MLLT3: variants seen among roughly 807,000 people sequenced by gnomAD.
MLLT3 encodes protein AF-9.
MLLT3 carries 4 observed loss-of-function variants against 53.2 expected under a neutral mutation model. The observed-to-expected ratio is 0.08, with a 90% CI of 0.04 to 0.17. The LOEUF (loss-of-function observed/expected upper bound fraction) is 0.17, where lower values mean the gene tolerates loss of function less well. Ranked by LOEUF, MLLT3 falls within the 10% of genes least tolerant of loss-of-function variation. The probability of loss-of-function intolerance (pLI) is 1.00; values close to 1 mark genes in which losing one functional copy is unlikely to be tolerated. For missense variants in MLLT3, 569 were observed against 684.0 expected (o/e 0.83, Z 1.87); for synonymous variants, 283 against 230.6 (o/e 1.23, Z -2.06).
At chr9:20,466,322 CA>C (rs1824237220) in intron 2 of MLLT3, among the ~76,000 whole-genome samples, 1 of 152,152 alleles carries the variant, frequency 6.6e-6, no homozygotes, top group Non-Finnish European at 1.5e-5. Context: ...TTCCGATTTT[CA>C]AGTTAGGGAG....
rs1458413557 is a variant in MLLT3 at position 20,500,738 on chromosome 9, C to T, written c.194-43952G>A. Among the ~76,000 whole-genome samples, 44 of 152,168 alleles carry T rather than the reference C, an allele frequency of 2.9e-4. 1 individual carries two copies. Among genetic ancestry groups the T allele is most frequent in the Admixed American group, 2.9e-3 (44 of 15,278 alleles). On this transcript the variant is annotated intron_variant, in intron 2 of 10. Coordinates refer to ENST00000380338, the MANE Select transcript of MLLT3 (RefSeq NM_004529.4). ...ATCTTGTCTACTACAGTTGAGTATA[C>T]CCTATTGACTTTGGTCCTCCAGGTG...
chr9:20,436,053 A>C (rs1466237673), intron 4 of MLLT3, among the ~76,000 whole-genome samples: 2 of 152,152 alleles, frequency 1.3e-5, no homozygotes, highest in Admixed American at 6.5e-5. Context: ...AAAATCTTTT[A>C]ATATCTAAGC....
chr9:20,537,450 T>C (rs1244458927), intron 2 of MLLT3, among the ~76,000 whole-genome samples: 2 of 152,198 alleles, frequency 1.3e-5, no homozygotes, highest in Non-Finnish European at 2.9e-5. Flanking sequence ...TACAGATGAT[T>C]ATCTCACCTT....
At chr9:20,451,902 T>C (rs1051312814) in intron 3 of MLLT3, among the ~76,000 whole-genome samples, 1 of 152,160 alleles carries the variant, frequency 6.6e-6, no homozygotes, top group East Asian at 1.9e-4. Context: ...TTCTCACAAA[T>C]AGGGTTGTTT....
intron 5 of MLLT3, among the ~76,000 whole-genome samples, chr9:20,366,993 C>T (rs1450711218): frequency 6.6e-6 from 1 of 152,236 alleles, no homozygotes; most frequent in Non-Finnish European, 1.5e-5. Flanking sequence ...TGGCCCAAGG[C>T]CATGACCCAA....
chr9:20,552,203 T>G (rs998062191), intron 2 of MLLT3, among the ~76,000 whole-genome samples: 8 of 152,178 alleles, frequency 5.3e-5, no homozygotes, highest in Admixed American at 1.3e-4. Flanking sequence ...GAGTCTTGTT[T>G]GCAAAGAACT....
chr9:20,387,900 G>T (rs1586911002), intron 5 of MLLT3, among the ~76,000 whole-genome samples: 1 of 152,138 alleles, frequency 6.6e-6, no homozygotes, highest in African/African-American at 2.4e-5. Flanking sequence ...TAAATATCTG[G>T]AAGTTCCAGT....
intron 5 of MLLT3, among the ~76,000 whole-genome samples, chr9:20,399,511 G>A (rs754763653): frequency 3.3e-5 from 5 of 152,056 alleles, no homozygotes; most frequent in Non-Finnish European, 5.9e-5. Context: ...TACATAAACT[G>A]TATACATGGT....
intron 2 of MLLT3, among the ~76,000 whole-genome samples, chr9:20,513,651 C>G (rs1267780030): frequency 6.6e-6 from 1 of 152,122 alleles, no homozygotes; most frequent in Non-Finnish European, 1.5e-5. Context: ...GCAGTCCATG[C>G]AGGGTACGGG....
At chr9:20,561,217 T>C (rs1819201293) in intron 2 of MLLT3, among the ~76,000 whole-genome samples, 1 of 152,130 alleles carries the variant, frequency 6.6e-6, no homozygotes, top group South Asian at 2.1e-4. Flanking sequence ...GAGCACTGTA[T>C]TAAAAATTAT....
intron 2 of MLLT3, among the ~76,000 whole-genome samples, chr9:20,583,131 A>C (rs1819844977): frequency 6.6e-6 from 1 of 152,180 alleles, no homozygotes; most frequent in Non-Finnish European, 1.5e-5. Flanking sequence ...AACCATTCCA[A>C]ATGGGAGAAA....
At chr9:20,502,068 C>T (rs373845959) in intron 2 of MLLT3, among the ~76,000 whole-genome samples, 126 of 113,220 alleles carry the variant, frequency 1.1e-3, no homozygotes, top group African/African-American at 4.1e-3. Context: ...GCAACAAGAG[C>T]GAAACTCCAT....
At chr9:20,352,710 TA>T (rs59397349) in intron 10 of MLLT3, among the ~76,000 whole-genome samples, 3,714 of 116,662 alleles carry the variant, frequency 0.032, 61 homozygotes, top group South Asian at 0.079. Context: ...CATTAAATGT[TA>T]AAAAAAAAAA....
chr9:20,491,848 T>C (rs1824956719), intron 2 of MLLT3, among the ~76,000 whole-genome samples: 2 of 152,116 alleles, frequency 1.3e-5, no homozygotes, highest in South Asian at 2.1e-4. Flanking sequence ...CAGAGCATAG[T>C]ACAAAGAAAG....
At chr9:20,398,490 T>C (rs756341102) in intron 5 of MLLT3, among the ~76,000 whole-genome samples, 2 of 152,162 alleles carry the variant, frequency 1.3e-5, no homozygotes, top group South Asian at 4.1e-4. Flanking sequence ...TTATGCAACC[T>C]GAGGACACAG....
At chr9:20,543,555 T>C (rs142878209) in intron 2 of MLLT3, among the ~76,000 whole-genome samples, 198 of 151,818 alleles carry the variant, frequency 1.3e-3, no homozygotes, top group Admixed American at 2.2e-3. Context: ...GAAGGGAGGA[T>C]TGCTTGAGGT....
chr9:20,551,042 G>A (rs981882351), intron 2 of MLLT3, among the ~76,000 whole-genome samples: 3 of 152,208 alleles, frequency 2.0e-5, no homozygotes, highest in Admixed American at 2.0e-4. Context: ...GGGATTACAG[G>A]CGTGGGCCAC....
chr9:20,541,934 T>G (rs1818643460), intron 2 of MLLT3, among the ~76,000 whole-genome samples: 1 of 152,204 alleles, frequency 6.6e-6, no homozygotes, highest in Admixed American at 6.5e-5. Flanking sequence ...ATCCTGTTCA[T>G]GTTGATATTT....
chr9:20,474,022 G>A (rs929980845), intron 2 of MLLT3, among the ~76,000 whole-genome samples: 1 of 152,026 alleles, frequency 6.6e-6, no homozygotes, highest in Non-Finnish European at 1.5e-5. Context: ...CTTAAACGAT[G>A]ATAATATAAC....
Sources: gnomAD v4.1 joint callset for allele counts (sites outside exome capture counted in the v4.1 genomes callset) on GRCh38, gnomAD v4.1.1 for gene constraint, MANE v1.5 for transcripts, NCBI Gene and HGNC (gene_info 2026-07-23, HGNC 2026-07-21) for gene names.